Variants in GPAM observed in about 807,000 individuals in gnomAD.
GPAM encodes the protein glycerol-3-phosphate acyltransferase, mitochondrial, also known as glycerol-3-phosphate acyltransferase 1, mitochondrial.
A neutral mutation model predicts 105.0 loss-of-function variants in GPAM; 56 were observed. The ratio of observed to expected loss-of-function variants is 0.53; its 90% CI spans 0.43 to 0.67. The LOEUF is 0.67. Among genes scored for constraint, GPAM ranks in the 30% least tolerant of loss-of-function variants. GPAM has a pLI of 0.00. For missense variants in GPAM, 855 were observed against 989.8 expected (o/e 0.86, Z 1.83); for synonymous variants, 368 against 354.4 (o/e 1.04, Z -0.43).
At chr10:112,223,034 G>T in the GPAM span, among the ~76,000 whole-genome samples, 1 of 152,086 alleles carries the variant, frequency 6.6e-6, no homozygotes, top group African/African-American at 2.4e-5. Flanking sequence ...TGAATACAAT[G>T]GTGGCATAGG....
At chr10:112,170,035 T>C (rs1847286537) in intron 9 of GPAM, among the ~76,000 whole-genome samples, 1 of 152,214 alleles carries the variant, frequency 6.6e-6, no homozygotes, top group African/African-American at 2.4e-5. Flanking sequence ...AGTTGTATAA[T>C]TATTTCTTTA....
chr10:112,156,725 G>A (rs73365169), intron 19 of GPAM: 3,083 of 173,762 alleles, frequency 0.018, 109 homozygotes, highest in African/African-American at 0.069. Flanking sequence ...TCCTCTTAGA[G>A]TATTCAGAAA....
At chr10:112,209,476 G>C (rs1847887626) in intron 1 of GPAM, among the ~76,000 whole-genome samples, 2 of 152,094 alleles carry the variant, frequency 1.3e-5, no homozygotes, top group Admixed American at 1.3e-4. Flanking sequence ...ATGGGAGTCA[G>C]AATTGCTGCT....
At chr10:112,178,248 A>T (rs148585869) in intron 4 of GPAM, among the ~76,000 whole-genome samples, 191 bp from the exon 5 acceptor site, 1 of 152,328 alleles carries the variant, frequency 6.6e-6, no homozygotes, top group African/African-American at 2.4e-5. Context: ...CTCAAAATTC[A>T]TCTTTAAAAT....
At chr10:112,179,502 G>A (rs1847467963) in intron 4 of GPAM, among the ~76,000 whole-genome samples, 1 of 152,140 alleles carries the variant, frequency 6.6e-6, no homozygotes, top group South Asian at 2.1e-4. Flanking sequence ...AGGTAGTTGT[G>A]GTTTAAAAGA....
chr10:112,158,928 C>A (rs767894490), intron 17 of GPAM, among the ~76,000 whole-genome samples: 1 of 152,134 alleles, frequency 6.6e-6, no homozygotes. Context: ...AACAGGACCA[C>A]GAGCACACCT....
chr10:112,156,650 T>A (rs1847023432), intron 19 of GPAM: 1 of 169,866 alleles, frequency 5.9e-6, no homozygotes, highest in Non-Finnish European at 1.3e-5. Flanking sequence ...CTGCCCCATC[T>A]TGAAACTAAA....
chr10:112,167,652 T>C (rs1847241593), intron 11 of GPAM, among the ~76,000 whole-genome samples: 1 of 152,154 alleles, frequency 6.6e-6, no homozygotes, highest in Non-Finnish European at 1.5e-5. Flanking sequence ...TGCAAAAATA[T>C]GCAAAACTAA....
chr10:112,181,114 C>G (rs1050127871), intron 3 of GPAM, among the ~76,000 whole-genome samples: 2 of 151,460 alleles, frequency 1.3e-5, no homozygotes, highest in African/African-American at 4.8e-5. Context: ...CTCTTCTATT[C>G]TAAAAATGCT....
chr10:112,197,201 T>C (rs940910784), intron 1 of GPAM, among the ~76,000 whole-genome samples: 1 of 152,202 alleles, frequency 6.6e-6, no homozygotes, highest in Non-Finnish European at 1.5e-5. Context: ...ATTGATCAAA[T>C]CCTAAATGAA....
At chr10:112,181,945 G>A in intron 2 of GPAM, 132 bp from the exon 3 acceptor site, 1 of 626,740 alleles carries the variant, frequency 1.6e-6, no homozygotes, top group Non-Finnish European at 2.9e-6. Context: ...CTACCATGTT[G>A]AGTCACAAGG....
intron 9 of GPAM, among the ~76,000 whole-genome samples, chr10:112,171,843 C>T (rs1044476099): frequency 6.6e-6 from 1 of 152,152 alleles, no homozygotes; most frequent in Non-Finnish European, 1.5e-5. Flanking sequence ...TTCACTGCCC[C>T]CTCCTCCACC....
In GPAM at chr10:112,151,701, A is replaced by G; in HGVS notation, c.*1849T>C. 1 of 985,346 alleles carries G rather than the reference A, an allele frequency of 1.0e-6. No individual in the cohort carries two copies. The highest frequency in any genetic ancestry group is 1.2e-6 in the Non-Finnish European group (1 of 829,852). 61.0% of individuals were successfully genotyped at this position (985,346 alleles called of 1,614,324 possible). A position where few individuals can be genotyped will look rare whatever the true frequency, so the allele number is the denominator to read the frequency against. On this transcript the variant is annotated 3_prime_UTR_variant, in exon 22 of 22. Coordinates refer to ENST00000348367, the MANE Select transcript of GPAM (RefSeq NM_001244949.2). ...TGGGAAGCGAGTCCCAATCTTGAAT[A>G]ATGGTGAGCTTGAGTAATCCTTAAT...
At position 112,160,773 on chromosome 10, in the gene GPAM, T is replaced by G. The variant is rs1847109396; in HGVS notation, c.1590A>C (p.Glu530Asp). 6.2e-7 allele frequency: 1 copy of G among 1,614,076 alleles called. No individual in the cohort carries two copies. ...GCTGTATGGCATGCATTACTACATC[T>G]TCTGAATTTCCTGAGAACCCCAGGT... ...DFDLGFSGNS[E>D]DVVMHAIQLL... Residue 530 changes from glutamate to aspartate, a missense_variant, in exon 16 of 22, where the codon GAA becomes GAC. By Grantham distance (45) the Glu-to-Asp change is conservative. Transcript: ENST00000348367.
chr10:112,217,440 GTT>G (rs201314583), upstream of GPAM, among the ~76,000 whole-genome samples: 271 of 140,574 alleles, frequency 1.9e-3, 1 homozygote, highest in African/African-American at 6.8e-3. Flanking sequence ...CGTTTTGTTT[GTT>G]TTTTTTTTTT....
chr10:112,155,876 C>T lies in GPAM; in HGVS notation c.2299G>A (p.Val767Ile), dbSNP rs1339610293. The change falls in exon 20 of 22, where the codon GTT becomes ATT. Residue 767 changes from valine (V) to isoleucine (I), a missense_variant. Physicochemically the swap from Val to Ile is conservative, Grantham distance 29 (BLOSUM62 3). Coordinates refer to ENST00000348367, the MANE Select transcript of GPAM (RefSeq NM_001244949.2). ...KYLITRTERNVAVYAESATYC... is the reference protein window; with the variant it reads ...KYLITRTERNIAVYAESATYC... ...TGACTTAACATACCATATACTGCAA[C>T]ATTTCTTTCTGTTCTGGTTATTAGG... The T allele has an allele frequency of 1.9e-6, 3 of 1,578,378 alleles. No homozygotes were observed. Among genetic ancestry groups the T allele is most frequent in the South Asian group, 2.2e-5 (2 of 90,194 alleles).
intron 9 of GPAM, among the ~76,000 whole-genome samples, chr10:112,170,187 G>A (rs1156692747): frequency 6.6e-6 from 1 of 152,074 alleles, no homozygotes; most frequent in Non-Finnish European, 1.5e-5. Flanking sequence ...AAAAGGTTGG[G>A]GACCACTGCT....
chr10:112,150,286 C>G lies in GPAM; in HGVS notation c.*3264G>C. ...CTATCTGTGGATAAAAATCTGCATTCAAACGTACAATACTTTCTTCTAGAT... is the reference window on the plus strand; with the variant it reads ...CTATCTGTGGATAAAAATCTGCATTGAAACGTACAATACTTTCTTCTAGAT... On this transcript the variant is annotated 3_prime_UTR_variant, in exon 22 of 22. Transcript: ENST00000348367. 2.0e-6 allele frequency: 2 copies of G among 985,290 alleles called. No individual in the cohort carries two copies. Among genetic ancestry groups the G allele is most frequent in the Non-Finnish European group, 2.4e-6 (2 of 829,532 alleles). 61.0% of individuals were successfully genotyped at this position (985,290 alleles called of 1,614,324 possible).
rs530276012 is a variant in GPAM, at chr10:112,153,593, C to T, written c.2444G>A (p.Arg815Gln). 4.3e-5 allele frequency: 69 copies of T among 1,613,872 alleles called. No homozygotes were observed. In the East Asian group the frequency reaches 1.4e-3, roughly 34 times the overall value. ...CAGAATATATTCTAGAAGTTTTTGT[C>T]GGTTGCATTGAGGTAGAAAAGTGCT... is the stretch of plus-strand genomic sequence containing the variant. ...LSSTFLPQCNRQKLLEYILSF... is the reference protein window; with the variant it reads ...LSSTFLPQCNQQKLLEYILSF... Residue 815 changes from arginine (R) to glutamine (Q), a missense_variant, in exon 22 of 22, where the codon CGA becomes CAA. Physicochemically the swap from Arg to Gln is conservative, Grantham distance 43. Transcript: ENST00000348367.
Sources: allele counts gnomAD v4.1 joint callset (sites outside exome capture counted in the v4.1 genomes callset), GRCh38; gene constraint gnomAD v4.1.1; transcripts MANE v1.5; gene names NCBI Gene and HGNC (gene_info 2026-07-23, HGNC 2026-07-21).